The following PPM1B variants were observed in gnomAD, a reference collection of about 807,000 sequenced individuals.
PPM1B encodes the protein protein phosphatase 1B.
PPM1B carries 22 observed loss-of-function variants against 43.0 expected under a neutral mutation model. The ratio of observed to expected loss-of-function variants is 0.51; its 90% CI spans 0.37 to 0.73. The LOEUF (loss-of-function observed/expected upper bound fraction) is 0.73. Ranked by LOEUF, PPM1B falls within the 30% of genes least tolerant of loss-of-function variation. The pLI is 0.00. For synonymous variants in PPM1B, 217 were observed against 197.9 expected (o/e 1.10, Z -0.81); for missense variants, 632 against 584.2 (o/e 1.08, Z -0.84).
chr2:44,169,356 G>C (rs533027614), intron 1 of PPM1B, 82 bp downstream of exon 1: 21 of 152,408 alleles, frequency 1.4e-4, no homozygotes, highest in African/African-American at 5.1e-4. Context: ...GCAGGTTTTC[G>C]CGGTGCTGCC....
Position 44,217,986 on chromosome 2 carries a change from C to T in PPM1B, c.984C>T (p.Gly328=), listed in dbSNP as rs150223863. 6.2e-5 allele frequency: 100 copies of T among 1,603,538 alleles called. No homozygotes were observed. In the Middle Eastern group the frequency reaches 8.3e-4, roughly 13 times the overall value. ...CTACAGAGATTATGGAGAAGTCTGG[C>T]GAGGAAGGAATGCCTGATCTTGCCC... is the stretch of plus-strand genomic sequence containing the variant. ...SRVEEIMEKS[G]EEGMPDLAHV... is the part of the protein sequence containing the mutation. The change falls in exon 4 of 6, where the codon GGC becomes GGT. Residue 328 remains glycine, a synonymous_variant. Transcript: ENST00000282412.
At chr2:44,234,209 T>C, downstream of PPM1B, 2 of 983,526 alleles carry the variant, frequency 2.0e-6, no homozygotes, top group Non-Finnish European at 2.4e-6. Context: ...TCTAGAAATA[T>C]TTATACTCCT....
downstream of PPM1B, chr2:44,234,624 T>C (rs982453016): frequency 2.0e-6 from 2 of 984,828 alleles, no homozygotes; most frequent in Non-Finnish European, 2.4e-6. Context: ...GAAAAACCCA[T>C]ATTCAGTGTT....
intron 3 of PPM1B, among the ~76,000 whole-genome samples, chr2:44,216,584 G>T (rs1462504223): frequency 2.0e-5 from 3 of 152,192 alleles, no homozygotes; most frequent in Non-Finnish European, 4.4e-5. Context: ...ACTTAGGTCA[G>T]AGAAGGATTT....
chr2:44,187,168 A>G (rs1429903672), intron 1 of PPM1B, among the ~76,000 whole-genome samples: 3 of 152,218 alleles, frequency 2.0e-5, no homozygotes, highest in Non-Finnish European at 2.9e-5. Flanking sequence ...TACCCCATGT[A>G]AGTGGAATCA....
chr2:44,179,414 G>A (rs1160182536), intron 1 of PPM1B, among the ~76,000 whole-genome samples: 1 of 152,078 alleles, frequency 6.6e-6, no homozygotes, highest in Non-Finnish European at 1.5e-5. Context: ...TACTAGCCCC[G>A]AGTGGTTAGT....
downstream of PPM1B, chr2:44,244,454 C>T (rs1465808588): frequency 1.5e-5 from 15 of 1,021,208 alleles, no homozygotes; most frequent in Non-Finnish European, 1.7e-5. Context: ...TGTCACTGTG[C>T]CCTTCAAAAT....
At chr2:44,180,059 T>G (rs577632085) in intron 1 of PPM1B, among the ~76,000 whole-genome samples, 210 of 151,512 alleles carry the variant, frequency 1.4e-3, no homozygotes, top group African/African-American at 4.7e-3. Context: ...TCTTAAAATA[T>G]TCCCCAAAAT....
intron 5 of PPM1B, among the ~76,000 whole-genome samples, chr2:44,223,123 C>A (rs571807154): frequency 1.3e-5 from 2 of 152,292 alleles, no homozygotes; most frequent in African/African-American, 4.8e-5. Context: ...TGAGCCACTG[C>A]ATCCAACCAC....
chr2:44,213,540 A>C (rs1190479234), intron 3 of PPM1B, among the ~76,000 whole-genome samples: 4 of 152,154 alleles, frequency 2.6e-5, no homozygotes, highest in Non-Finnish European at 5.9e-5. Context: ...TTACAATTAA[A>C]AGTATAAAAC....
intron 1 of PPM1B, among the ~76,000 whole-genome samples, chr2:44,188,798 T>G (rs2104058957): frequency 7.5e-6 from 1 of 133,328 alleles, no homozygotes; most frequent in South Asian, 2.9e-4. Context: ...TTCCCTCCCC[T>G]TCCCACTCCC....
intron 1 of PPM1B, among the ~76,000 whole-genome samples, chr2:44,190,537 C>T (rs1220486852): frequency 6.6e-6 from 1 of 152,058 alleles, no homozygotes; most frequent in Non-Finnish European, 1.5e-5. Context: ...AAGCTTTTCT[C>T]CCCTTTGCTT....
intron 1 of PPM1B, among the ~76,000 whole-genome samples, chr2:44,178,929 A>G (rs1174553178): frequency 6.6e-6 from 1 of 152,226 alleles, no homozygotes; most frequent in Non-Finnish European, 1.5e-5. Flanking sequence ...TATATAAACA[A>G]TGAAGTTAAT....
intron 1 of PPM1B, among the ~76,000 whole-genome samples, chr2:44,174,102 A>G (rs1667473270): frequency 1.3e-5 from 2 of 152,262 alleles, no homozygotes; most frequent in Admixed American, 1.3e-4. Context: ...CTTTTGATTT[A>G]TCACACAGTT....
At chr2:44,220,324 C>T (rs1285801328) in intron 5 of PPM1B, among the ~76,000 whole-genome samples, 1 of 151,076 alleles carries the variant, frequency 6.6e-6, no homozygotes, top group Admixed American at 6.6e-5. Flanking sequence ...ATTTTTACTC[C>T]AAACAAGGTT....
intron 5 of PPM1B, among the ~76,000 whole-genome samples, chr2:44,220,263 C>CATATATATATATAT (rs146623821): frequency 1.6e-4 from 24 of 146,974 alleles, no homozygotes; most frequent in African/African-American, 5.5e-4. Context: ...TTTAAAAATA[C>CATATATATATATAT]ATATATATAT....
At chr2:44,191,670 C>T (rs1011760379) in intron 1 of PPM1B, among the ~76,000 whole-genome samples, 12 of 152,016 alleles carry the variant, frequency 7.9e-5, no homozygotes, top group African/African-American at 1.2e-4. Flanking sequence ...TTATTGTATG[C>T]TTCTGCTTGT....
At chr2:44,209,357 C>T (rs769532120) in intron 3 of PPM1B, 30 bp downstream of exon 3, 1 of 1,611,638 alleles carries the variant, frequency 6.2e-7, no homozygotes, top group Non-Finnish European at 8.5e-7. Flanking sequence ...AAAATATAGA[C>T]AGGCCAGGCA....
intron 5 of PPM1B, among the ~76,000 whole-genome samples, chr2:44,239,898 T>TG (rs1038048953): frequency 4.8e-5 from 4 of 83,154 alleles, no homozygotes; most frequent in South Asian, 2.6e-4. Context: ...TTGTTTTTGT[T>TG]TTTTTTTTTT....
Sources: allele counts gnomAD v4.1 joint callset (sites outside exome capture counted in the v4.1 genomes callset), GRCh38; gene constraint gnomAD v4.1.1; transcripts MANE v1.5; gene names NCBI Gene and HGNC (gene_info 2026-07-23, HGNC 2026-07-21).